The following LY75 variants were observed in gnomAD, a reference collection of about 807,000 sequenced individuals.
The protein encoded by LY75 is lymphocyte antigen 75.
LY75 carries 185 observed loss-of-function variants against 231.7 expected under a neutral mutation model. The observed-to-expected ratio is 0.80, with a 90% CI of 0.71 to 0.90. LY75 has a LOEUF of 0.90. Among genes scored for constraint, LY75 ranks in the 40% least tolerant of loss-of-function variants. The pLI is 0.00. For missense variants in LY75, 1,947 were observed against 2,050.2 expected (o/e 0.95, Z 0.97); for synonymous variants, 668 against 689.0 (o/e 0.97, Z 0.48).
intron 13 of LY75, among the ~76,000 whole-genome samples, chr2:159,870,718 C>T (rs533174920): frequency 1.8e-4 from 27 of 150,642 alleles, no homozygotes; most frequent in Non-Finnish European, 3.7e-4. Context: ...CCCTATGCTA[C>T]CCAGGCTGGT....
intron 14 of LY75, among the ~76,000 whole-genome samples, 188 bp downstream of exon 14, chr2:159,864,651 T>C (rs1464174694): frequency 6.6e-6 from 1 of 152,120 alleles, no homozygotes; most frequent in Admixed American, 6.6e-5. Flanking sequence ...AGCTTTGAGG[T>C]GTATCTTCAA....
chr2:159,865,536 C>T (rs1206755568), intron 13 of LY75, among the ~76,000 whole-genome samples: 1 of 152,098 alleles, frequency 6.6e-6, no homozygotes, highest in Admixed American at 6.6e-5. Context: ...ATAAGACCTA[C>T]ATCTACCCTG....
intron 9 of LY75, 75 bp from the exon 10 acceptor site, chr2:159,878,796 T>C: frequency 6.6e-7 from 1 of 1,504,842 alleles, no homozygotes; most frequent in Non-Finnish European, 9.2e-7. Context: ...ATGTTTCTGC[T>C]ACATTGATAA....
At chr2:159,862,830 T>A (rs769663190) in intron 14 of LY75, among the ~76,000 whole-genome samples, 9 of 152,148 alleles carry the variant, frequency 5.9e-5, no homozygotes, top group Admixed American at 3.9e-4. Context: ...TAACATCTAC[T>A]TTTAGCATTT....
intron 27 of LY75, among the ~76,000 whole-genome samples, chr2:159,833,564 A>C (rs1683729844): frequency 6.6e-6 from 1 of 152,252 alleles, no homozygotes; most frequent in Non-Finnish European, 1.5e-5. Context: ...TGTAGATATT[A>C]GGAGATGAAT....
chr2:159,875,769 G>C, intron 11 of LY75, 126 bp from the exon 12 acceptor site: 1 of 1,162,948 alleles, frequency 8.6e-7, no homozygotes, highest in Non-Finnish European at 1.2e-6. Context: ...AACAAAGAGA[G>C]GAAAGAAATA....
chr2:159,835,559 T>C lies in LY75; in HGVS notation c.3594A>G (p.Val1198=), dbSNP rs1560073062. Residue 1198 remains valine, a synonymous_variant, in exon 26 of 35, where the codon GTA becomes GTG. Coordinates refer to ENST00000263636, the MANE Select transcript of LY75 (RefSeq NM_002349.4). ...AETNGQLEDC[V]VLDTDGFWKT... is the part of the protein sequence containing the mutation. ...TCCAGAATCCATCAGTGTCTAATAC[T>C]ACACAGTCTTCGAGTTGCCCATTAG... is the stretch of plus-strand genomic sequence containing the variant. 7 of 1,613,898 alleles carry C rather than the reference T, an allele frequency of 4.3e-6. No homozygotes were observed. In the South Asian group the frequency reaches 5.5e-5, roughly 13 times the overall value.
chr2:159,875,059 T>C (rs1200362327), intron 12 of LY75, among the ~76,000 whole-genome samples: 1 of 147,896 alleles, frequency 6.8e-6, no homozygotes, highest in East Asian at 1.9e-4. Flanking sequence ...TATATGTTTG[T>C]AAAAGTGTAA....
intron 13 of LY75, 54 bp from the exon 14 acceptor site, chr2:159,864,974 A>G: frequency 1.3e-6 from 2 of 1,520,752 alleles, no homozygotes; most frequent in Non-Finnish European, 1.8e-6. Flanking sequence ...AAAAATATTT[A>G]GCACTCACAT....
At chr2:159,807,877 T>A in intron 33 of LY75, 1 of 985,316 alleles carries the variant, frequency 1.0e-6, no homozygotes, top group Non-Finnish European at 1.2e-6. Flanking sequence ...TTCCACAAAT[T>A]TTCTTTGAAT....
chr2:159,885,079 A>T, intron 6 of LY75, 74 bp downstream of exon 6: 1 of 1,554,840 alleles, frequency 6.4e-7, no homozygotes, highest in Non-Finnish European at 8.7e-7. Flanking sequence ...ATGTTGGAAA[A>T]GATTTACTTG....
chr2:159,840,487 G>T (rs922936204), intron 25 of LY75, among the ~76,000 whole-genome samples: 1 of 151,928 alleles, frequency 6.6e-6, no homozygotes, highest in South Asian at 2.1e-4. Context: ...TGGGAGGATC[G>T]CTTGAGCCCG....
At chr2:159,875,667 A>G (rs1255921008) in intron 11 of LY75, 24 bp from the exon 12 acceptor site, 1 of 1,610,832 alleles carries the variant, frequency 6.2e-7, no homozygotes, top group Admixed American at 1.7e-5. Context: ...GGAAAGCTCA[A>G]TTAAAAATTA....
At chr2:159,840,444 T>G (rs907883649) in intron 25 of LY75, among the ~76,000 whole-genome samples, 2 of 152,092 alleles carry the variant, frequency 1.3e-5, no homozygotes, top group Admixed American at 6.5e-5. Flanking sequence ...TGGTGGTGTG[T>G]AACTGCAGTC....
chr2:159,855,079 TG>T (rs1684510889), intron 16 of LY75, 140 bp from the exon 17 acceptor site: 2 of 1,058,102 alleles, frequency 1.9e-6, no homozygotes, highest in African/African-American at 3.2e-5. Flanking sequence ...CTTCACGTTT[TG>T]ATCACTTTAG....
At chr2:159,855,090 G>C in intron 16 of LY75, 151 bp from the exon 17 acceptor site, 1 of 935,892 alleles carries the variant, frequency 1.1e-6, no homozygotes, top group Non-Finnish European at 1.6e-6. Context: ...GATCACTTTA[G>C]TTGTATTTTG....
At chr2:159,810,058 G>C (rs949138804) in intron 32 of LY75, among the ~76,000 whole-genome samples, 53 of 151,448 alleles carry the variant, frequency 3.5e-4, no homozygotes, top group African/African-American at 1.2e-3. Context: ...TTTTGAGATA[G>C]AGTCTTGCTC....
At chr2:159,852,380 T>C (rs1276060120) in intron 20 of LY75, 40 bp from the exon 21 acceptor site, 14 of 1,583,402 alleles carry the variant, frequency 8.8e-6, no homozygotes, top group Non-Finnish European at 1.2e-5. Context: ...GTGAGAATTT[T>C]TCAGTCAGTA....
chr2:159,829,046 G>A (rs1163464654), intron 28 of LY75, among the ~76,000 whole-genome samples: 1 of 152,096 alleles, frequency 6.6e-6, no homozygotes, highest in African/African-American at 2.4e-5. Context: ...TCTTTTTGGG[G>A]TAGTGATGAT....
Sources: allele counts gnomAD v4.1 joint callset (sites outside exome capture counted in the v4.1 genomes callset), GRCh38; gene constraint gnomAD v4.1.1; transcripts MANE v1.5; gene names NCBI Gene and HGNC (gene_info 2026-07-23, HGNC 2026-07-21).